BBS9: variants seen among roughly 807,000 people sequenced by gnomAD.
BBS9 encodes the protein protein PTHB1.
Under a neutral mutation model 117.7 loss-of-function variants are expected in BBS9, and 89 were observed. The observed-to-expected ratio is 0.76, with a 90% CI of 0.64 to 0.90. The LOEUF (loss-of-function observed/expected upper bound fraction) is 0.90. Ranked by LOEUF, BBS9 falls within the 40% of genes least tolerant of loss-of-function variation. The probability of loss-of-function intolerance (pLI) is 0.00; values close to 1 mark genes in which losing one functional copy is unlikely to be tolerated. For missense variants in BBS9, 982 were observed against 1,042.2 expected (o/e 0.94, Z 0.80); for synonymous variants, 379 against 370.9 (o/e 1.02, Z -0.25).
chr7:33,130,228 T>C (rs1294342063), intron 1 of BBS9, among the ~76,000 whole-genome samples, 187 bp downstream of exon 1: 1 of 152,142 alleles, frequency 6.6e-6, no homozygotes, highest in Non-Finnish European at 1.5e-5. Flanking sequence ...GTGAGTACTT[T>C]TGAGAAAAAA....
At chr7:33,183,179 G>C (rs147113416) in intron 5 of BBS9, among the ~76,000 whole-genome samples, 36 of 152,212 alleles carry the variant, frequency 2.4e-4, no homozygotes, top group African/African-American at 8.2e-4. Context: ...AGGGTTCCAC[G>C]AGGGAAACAG....
chr7:33,491,522 C>G (rs1266198939), intron 19 of BBS9, among the ~76,000 whole-genome samples: 1 of 152,122 alleles, frequency 6.6e-6, no homozygotes, highest in African/African-American at 2.4e-5. Context: ...CTAGGATGTA[C>G]CAAATGGGAT....
At chr7:33,242,403 C>T (rs1333094694) in intron 5 of BBS9, among the ~76,000 whole-genome samples, 1 of 152,034 alleles carries the variant, frequency 6.6e-6, no homozygotes, top group Non-Finnish European at 1.5e-5. Context: ...CAAGTTTTTT[C>T]TCCTTTACTG....
At chr7:33,621,600 A>G (rs1351285437) in intron 21 of BBS9, among the ~76,000 whole-genome samples, 1 of 152,216 alleles carries the variant, frequency 6.6e-6, no homozygotes, top group Non-Finnish European at 1.5e-5. Context: ...TAGTGCAGCC[A>G]TTAGTGTAAA....
intron 21 of BBS9, among the ~76,000 whole-genome samples, chr7:33,575,947 T>A (rs563726175): frequency 6.6e-6 from 1 of 152,256 alleles, no homozygotes; most frequent in Admixed American, 6.5e-5. Context: ...ACAGCCAGTA[T>A]CATACTGAAT....
intron 5 of BBS9, among the ~76,000 whole-genome samples, chr7:33,236,965 ATTAAT>A (rs147331611): frequency 2.6e-3 from 390 of 152,294 alleles, no homozygotes; most frequent in African/African-American, 9.1e-3. Flanking sequence ...ACACATTATA[ATTAAT>A]TTAATCAGTC....
chr7:33,479,612 G>A (rs1467755731), intron 19 of BBS9, among the ~76,000 whole-genome samples: 3 of 152,090 alleles, frequency 2.0e-5, no homozygotes, highest in Non-Finnish European at 4.4e-5. Flanking sequence ...TTTCCTTTGG[G>A]TATATACCCA....
intron 19 of BBS9, among the ~76,000 whole-genome samples, chr7:33,408,298 G>A (rs923674668): frequency 6.6e-6 from 1 of 152,210 alleles, no homozygotes; most frequent in African/African-American, 2.4e-5. Flanking sequence ...GAAAAGTGCA[G>A]TATTAGGGTG....
In BBS9 at chr7:33,451,295, C is replaced by T. The variant is rs113055782; in HGVS notation, c.2116-54168C>T. Among the ~76,000 whole-genome samples the T allele has an allele frequency of 3.9e-4, 60 of 152,268 alleles. 1 individual carries two copies. The highest frequency in any genetic ancestry group is 1.4e-3 in the African/African-American group (57 of 41,550). The stretch of plus-strand genomic sequence containing the variant: ...CCAAATGCAGTGTTATAAAGCTTTT[C>T]CCCTATGTTTTCTTCTAAAAATTAT... On this transcript the variant is annotated intron_variant, in intron 19 of 22. Transcript: ENST00000242067.
intron 3 of BBS9, among the ~76,000 whole-genome samples, chr7:33,153,748 T>C (rs1793697131): frequency 6.6e-6 from 1 of 152,220 alleles, no homozygotes; most frequent in Non-Finnish European, 1.5e-5. Context: ...GTAGCTTAGA[T>C]GCTTTAGGCT....
At chr7:33,560,399 T>A (rs1855915904) in intron 21 of BBS9, among the ~76,000 whole-genome samples, 1 of 152,136 alleles carries the variant, frequency 6.6e-6, no homozygotes, top group South Asian at 2.1e-4. Context: ...TTTTTTCCAA[T>A]CCCTTTGTTT....
intron 21 of BBS9, among the ~76,000 whole-genome samples, chr7:33,567,477 C>T (rs1185663497): frequency 6.6e-6 from 1 of 152,140 alleles, no homozygotes; most frequent in African/African-American, 2.4e-5. Context: ...TCCAGGGCAT[C>T]ACTTTCCACT....
At chr7:33,398,724 A>G (rs1320716141) in intron 19 of BBS9, among the ~76,000 whole-genome samples, 1 of 152,212 alleles carries the variant, frequency 6.6e-6, no homozygotes, top group Non-Finnish European at 1.5e-5. Flanking sequence ...AATTTTAACC[A>G]TGTATTTTAT....
At chr7:33,503,278 G>A (rs1293495449) in intron 19 of BBS9, among the ~76,000 whole-genome samples, 2 of 152,168 alleles carry the variant, frequency 1.3e-5, no homozygotes, top group Non-Finnish European at 2.9e-5. Flanking sequence ...CACACCCTGC[G>A]TACAGTCCTG....
chr7:33,404,161 C>A (rs1217116243), intron 19 of BBS9, among the ~76,000 whole-genome samples: 2 of 151,934 alleles, frequency 1.3e-5, no homozygotes, highest in Non-Finnish European at 2.9e-5. Flanking sequence ...TGTAGATATG[C>A]GGCGTTATTT....
chr7:33,258,999 G>A (rs1045727924), intron 6 of BBS9, among the ~76,000 whole-genome samples: 2 of 152,150 alleles, frequency 1.3e-5, no homozygotes, highest in African/African-American at 4.8e-5. Flanking sequence ...AAAAATGCAT[G>A]AGATACGAGA....
At chr7:33,606,604 C>T (rs1864583856), downstream of BBS9, among the ~76,000 whole-genome samples, 1 of 152,144 alleles carries the variant, frequency 6.6e-6, no homozygotes, top group South Asian at 2.1e-4. Flanking sequence ...ATGTCTGGAG[C>T]AGAGAGGGTC....
chr7:33,209,654 C>T (rs1037528853), intron 5 of BBS9, among the ~76,000 whole-genome samples: 22 of 152,186 alleles, frequency 1.4e-4, no homozygotes, highest in African/African-American at 4.8e-4. Flanking sequence ...TTATCCATTT[C>T]TTCTAGGTTT....
chr7:33,407,266 C>G (rs147545448), intron 19 of BBS9, among the ~76,000 whole-genome samples: 13,119 of 152,266 alleles, frequency 0.086, 598 homozygotes, highest in South Asian at 0.14. Context: ...AGTTCTCAAG[C>G]CTTGGCTTTC....
Sources: gnomAD v4.1 joint callset for allele counts (sites outside exome capture counted in the v4.1 genomes callset) on GRCh38, gnomAD v4.1.1 for gene constraint, MANE v1.5 for transcripts, NCBI Gene and HGNC (gene_info 2026-07-23, HGNC 2026-07-21) for gene names.